The following KLHL25 variants were observed in gnomAD, a reference collection of about 807,000 sequenced individuals.
The protein encoded by KLHL25 is kelch-like protein 25.
A neutral mutation model predicts 30.0 loss-of-function variants in KLHL25; 41 were observed. That is an observed-to-expected ratio of 1.37 (90% confidence interval 1.07 to 1.78). KLHL25 has a LOEUF of 1.78. KLHL25 is among the 40% of genes most tolerant of loss of function. The probability of loss-of-function intolerance (pLI) is 0.00; values close to 1 mark genes in which losing one functional copy is unlikely to be tolerated. For missense variants in KLHL25, 971 were observed against 824.5 expected (o/e 1.18, Z -2.18); for synonymous variants, 399 against 355.3 (o/e 1.12, Z -1.38).
At chr15:85,773,514 G>A (rs889715453) in intron 1 of KLHL25, among the ~76,000 whole-genome samples, 8 of 152,342 alleles carry the variant, frequency 5.3e-5, no homozygotes, top group East Asian at 1.9e-4. Context: ...GCAGCTCAGC[G>A]GGTGGCATCC....
chr15:85,764,391 A>G (rs946941487), intron 2 of KLHL25: 1 of 152,704 alleles, frequency 6.5e-6, no homozygotes, highest in Non-Finnish European at 1.5e-5. Flanking sequence ...CAGGCCCATG[A>G]GAAGGAAGCA....
At chr15:85,772,294 G>A (rs1035729194) in intron 1 of KLHL25, among the ~76,000 whole-genome samples, 6 of 152,206 alleles carry the variant, frequency 3.9e-5, no homozygotes, top group Admixed American at 6.5e-5. Context: ...CCCTGATGCT[G>A]AGGTTTGGCT....
chr15:85,793,777 C>A (rs1039789289), intron 1 of KLHL25, among the ~76,000 whole-genome samples: 1 of 152,114 alleles, frequency 6.6e-6, no homozygotes, highest in Non-Finnish European at 1.5e-5. Flanking sequence ...CCCTGACTAC[C>A]GAGGAGAGTC....
chr15:85,794,326 G>A (rs577453159), intron 1 of KLHL25, among the ~76,000 whole-genome samples: 5 of 152,244 alleles, frequency 3.3e-5, no homozygotes, highest in Admixed American at 3.3e-4. Flanking sequence ...CTCTGCGCCA[G>A]GCAGGCAGCC....
rs1292849208 is a variant in KLHL25, at chr15:85,760,187, T to C, written c.*849A>G. ...CCTGGTCTTGGAGGGCAGCGTGGTC[T>C]CCTGGGGAGAAGCCCCCAGTGCTGT... On this transcript the variant is annotated 3_prime_UTR_variant, in exon 3 of 3. Coordinates refer to ENST00000337975, the MANE Select transcript of KLHL25 (RefSeq NM_022480.4). 1 of 152,266 alleles carries C rather than the reference T, an allele frequency of 6.6e-6. No homozygotes were observed. The highest frequency in any genetic ancestry group is 2.4e-5 in the African/African-American group (1 of 41,444). The allele number at this position is 152,266 out of a possible 1,614,324, so 9.4% of individuals were successfully genotyped here.
chr15:85,770,876 G>A (rs2089666522), intron 1 of KLHL25: 2 of 323,204 alleles, frequency 6.2e-6, no homozygotes, highest in Non-Finnish European at 1.2e-5. Flanking sequence ...CAATCTAGGG[G>A]AATTCTAAAG....
rs2089635618 is a variant in KLHL25 at position 85,768,000 on chromosome 15, G to A, written c.*24+17C>T. 6.5e-7 allele frequency: 1 copy of A among 1,536,846 alleles called. No homozygotes were observed. On this transcript the variant is annotated intron_variant, in intron 2 of 2. Coordinates refer to ENST00000337975, the MANE Select transcript of KLHL25 (RefSeq NM_022480.4). ...CCTTTCCGGACCCAGAGTGGCCGTG[G>A]GCTGCCAGGGACTCACCTGGCTGGG...
At chr15:85,778,720 G>C (rs2089726162) in intron 1 of KLHL25, among the ~76,000 whole-genome samples, 1 of 152,204 alleles carries the variant, frequency 6.6e-6, no homozygotes, top group South Asian at 2.1e-4. Context: ...CACCAAAGGG[G>C]ACAGAAGAGA....
At chr15:85,778,469 C>G (rs1434035132) in intron 1 of KLHL25, among the ~76,000 whole-genome samples, 3 of 152,254 alleles carry the variant, frequency 2.0e-5, no homozygotes, top group African/African-American at 7.2e-5. Context: ...CTCAGCACTT[C>G]ACGTGTTAAC....
In KLHL25 at chr15:85,769,438, C is replaced by T. The variant is rs149907865; in HGVS notation, c.373G>A (p.Asp125Asn). The change falls in exon 2 of 3, where the codon GAC (aspartate) becomes AAC (asparagine). Residue 125 changes from aspartate to asparagine, a missense_variant. By Grantham distance (23) the Asp-to-Asn change is conservative (BLOSUM62 1). Transcript: ENST00000337975. ...CGCACATCGTGGAACTGCAGCATGT[C>T]GCCTGCCTCCAGCAGTGACTCAGCG... ...ENAESLLEAG[D>N]MLQFHDVRDA... The T allele has an allele frequency of 8.5e-5, 138 of 1,614,124 alleles. No individual in the cohort carries two copies. The highest frequency in any genetic ancestry group is 2.3e-4 in the Admixed American group (14 of 60,022).
rs1303710736 is a variant in KLHL25 at position 85,768,522 on chromosome 15, A to G, written c.1289T>C (p.Leu430Ser). ...GANKWMMVAP[L>S]RDGVSNAAVV... ...TGCGGCATTGCTGACGCCATCCCGC[A>G]AGGGGGCCACCATCATCCACTTGTT... Residue 430 changes from leucine (L) to serine (S), a missense_variant, in exon 2 of 3, where the codon TTG (leucine) becomes TCG (serine). By Grantham distance (145) the Leu-to-Ser change is moderately radical (BLOSUM62 -2). Transcript: ENST00000337975. 6.2e-7 allele frequency: 1 copy of G among 1,613,634 alleles called. No homozygotes were observed. Among genetic ancestry groups the G allele is most frequent in the African/African-American group, 1.3e-5 (1 of 74,956 alleles).
chr15:85,780,482 T>C (rs2089736239), intron 1 of KLHL25, among the ~76,000 whole-genome samples: 1 of 152,240 alleles, frequency 6.6e-6, no homozygotes, highest in South Asian at 2.1e-4. Flanking sequence ...TCTCTCTTCC[T>C]GTCTGGTCCC....
chr15:85,766,129 G>C (rs1432409982), intron 2 of KLHL25, among the ~76,000 whole-genome samples: 1 of 152,220 alleles, frequency 6.6e-6, no homozygotes, highest in African/African-American at 2.4e-5. Context: ...GGAAATTAAT[G>C]TTTAGCTCGG....
intron 1 of KLHL25, among the ~76,000 whole-genome samples, chr15:85,785,703 G>A (rs2089776621): frequency 6.6e-6 from 1 of 152,002 alleles, no homozygotes; most frequent in South Asian, 2.1e-4. Context: ...CATGTGCAGT[G>A]GCCCCTGCCT....
chr15:85,774,292 T>C (rs749958488), intron 1 of KLHL25, among the ~76,000 whole-genome samples: 1 of 152,196 alleles, frequency 6.6e-6, no homozygotes, highest in Non-Finnish European at 1.5e-5. Context: ...AACTGCACAA[T>C]GTTGCAATGC....
chr15:85,763,028 C>CG (rs2089593839), intron 2 of KLHL25: 1 of 152,286 alleles, frequency 6.6e-6, no homozygotes, highest in Non-Finnish European at 1.5e-5. Context: ...CGGCAGCCCC[C>CG]CCATGCTGGA....
chr15:85,769,959 G>A (rs933165841), intron 1 of KLHL25, 139 bp from the exon 2 acceptor site: 45 of 708,810 alleles, frequency 6.3e-5, no homozygotes, highest in Non-Finnish European at 9.4e-5. Context: ...CCCCTCTCCC[G>A]CAACCACGTT....
At chr15:85,773,733 C>G (rs1023376572) in intron 1 of KLHL25, among the ~76,000 whole-genome samples, 1 of 152,214 alleles carries the variant, frequency 6.6e-6, no homozygotes, top group Admixed American at 6.5e-5. Context: ...CCTAGGACTG[C>G]TGACCGGACT....
chr15:85,769,929 C>T (rs1356015221), intron 1 of KLHL25, 109 bp from the exon 2 acceptor site: 4 of 897,716 alleles, frequency 4.5e-6, no homozygotes, highest in Non-Finnish European at 6.7e-6. Context: ...CCACTCTCTG[C>T]TCACCTCTGC....
Sources: gnomAD v4.1 joint callset for allele counts (sites outside exome capture counted in the v4.1 genomes callset) on GRCh38, gnomAD v4.1.1 for gene constraint, MANE v1.5 for transcripts, NCBI Gene and HGNC (gene_info 2026-07-23, HGNC 2026-07-21) for gene names.